Variants in LMBR1 observed in about 807,000 individuals in gnomAD.
LMBR1 encodes limb development membrane protein 1.
A neutral mutation model predicts 73.9 loss-of-function variants in LMBR1; 52 were observed. The observed-to-expected ratio is 0.70, with a 90% confidence interval of 0.56 to 0.89. The LOEUF is 0.89. Among genes scored for constraint, LMBR1 ranks in the 40% least tolerant of loss-of-function variants. LMBR1 has a pLI of 0.00. For synonymous variants in LMBR1, 215 were observed against 209.4 expected, an observed-to-expected ratio of 1.03 and a Z score of -0.23; for missense variants, 539 against 579.8, an observed-to-expected ratio of 0.93 and a Z score of 0.72.
intron 1 of LMBR1, among the ~76,000 whole-genome samples, chr7:156,837,257 C>T (rs1837809600): frequency 3.3e-5 from 5 of 150,358 alleles, no homozygotes; most frequent in African/African-American, 7.3e-5. Flanking sequence ...ATCTCTTCAA[C>T]GCAGGAGGCG....
chr7:156,755,969 G>A (rs1028522177), intron 9 of LMBR1, among the ~76,000 whole-genome samples: 2 of 151,992 alleles, frequency 1.3e-5, no homozygotes, highest in Admixed American at 1.3e-4. Flanking sequence ...TCTTGTTGGC[G>A]GGAGACTGGC....
Position 156,853,971 on chromosome 7 carries a change from A to T in LMBR1, c.67-17086T>A, listed in dbSNP as rs1248695864. Among the ~76,000 whole-genome samples, 10 of 42,734 alleles carry T rather than the reference A, an allele frequency of 2.3e-4. No homozygotes were observed. In the East Asian group the frequency reaches 3.7e-3, roughly 16 times the overall value. The allele number at this position is 42,734 out of a possible 152,430, so 28.0% of individuals were successfully genotyped here. A position where few individuals can be genotyped will look rare whatever the true frequency, so the allele number is the denominator to read the frequency against. On this transcript the variant is annotated intron_variant, in intron 1 of 16. Transcript: ENST00000353442. ...TGCCTGGCCCACATAGAATAAAATT[A>T]AAAAAAAAAAAAAAACCACCTATAT...
chr7:156,796,240 T>C, intron 5 of LMBR1, 149 bp downstream of exon 5: 4 of 585,838 alleles, frequency 6.8e-6, no homozygotes, highest in Non-Finnish European at 1.2e-5. Context: ...GCAGAATTAC[T>C]GTTATTGTTA....
intron 5 of LMBR1, among the ~76,000 whole-genome samples, chr7:156,776,963 C>T (rs888399264): frequency 1.7e-4 from 25 of 149,018 alleles, no homozygotes; most frequent in Non-Finnish European, 3.3e-4. Flanking sequence ...GATGGAATCT[C>T]GCCTGTCGCC....
intron 15 of LMBR1, among the ~76,000 whole-genome samples, chr7:156,716,927 T>A (rs1253236115): frequency 6.6e-6 from 1 of 151,900 alleles, no homozygotes; most frequent in Non-Finnish European, 1.5e-5. Flanking sequence ...AGGAGTTCAA[T>A]TTTCCAAGTG....
chr7:156,819,052 C>G (rs535912114), intron 4 of LMBR1, among the ~76,000 whole-genome samples: 111 of 152,298 alleles, frequency 7.3e-4, no homozygotes, highest in African/African-American at 2.5e-3. Flanking sequence ...ATCATCAGGT[C>G]TCCTAACTCC....
intron 3 of LMBR1, among the ~76,000 whole-genome samples, chr7:156,828,936 C>T (rs1442745252): frequency 6.6e-6 from 1 of 152,166 alleles, no homozygotes; most frequent in Admixed American, 6.5e-5. Flanking sequence ...CAGTACCAGG[C>T]GTTATCAGTA....
chr7:156,843,887 T>A, intron 1 of LMBR1, among the ~76,000 whole-genome samples: 1 of 147,336 alleles, frequency 6.8e-6, no homozygotes, highest in Non-Finnish European at 1.5e-5. Flanking sequence ...GCACAAGTGG[T>A]AGATGAGAAA....
intron 15 of LMBR1, among the ~76,000 whole-genome samples, chr7:156,690,819 A>G (rs770588626): frequency 6.6e-6 from 1 of 152,236 alleles, no homozygotes. Context: ...ACCAACACAC[A>G]GTTCTTCAAT....
intron 15 of LMBR1, among the ~76,000 whole-genome samples, chr7:156,714,813 G>A (rs1425590255): frequency 6.6e-6 from 1 of 152,084 alleles, no homozygotes; most frequent in Admixed American, 6.5e-5. Flanking sequence ...GCACTAAGAA[G>A]GCAAATGCAA....
At chr7:156,701,109 A>G (rs1429994891) in intron 15 of LMBR1, among the ~76,000 whole-genome samples, 1 of 150,358 alleles carries the variant, frequency 6.7e-6, no homozygotes, top group Non-Finnish European at 1.5e-5. Context: ...CCCTCCCACA[A>G]CATGTGGGAA....
intron 8 of LMBR1, among the ~76,000 whole-genome samples, chr7:156,761,097 G>C (rs189223452): frequency 2.0e-5 from 3 of 152,302 alleles, no homozygotes; most frequent in Non-Finnish European, 4.4e-5. Context: ...AGAATGCATA[G>C]AGCCTATTCA....
At chr7:156,878,446 T>C (rs914354486) in intron 1 of LMBR1, among the ~76,000 whole-genome samples, 1 of 152,104 alleles carries the variant, frequency 6.6e-6, no homozygotes, top group Non-Finnish European at 1.5e-5. Context: ...TCAACCCCTT[T>C]TACAACAGCT....
At chr7:156,684,552 G>A (rs907401151) in intron 16 of LMBR1, among the ~76,000 whole-genome samples, 2 of 152,118 alleles carry the variant, frequency 1.3e-5, no homozygotes, top group Admixed American at 6.5e-5. Flanking sequence ...TTCCTCTTCC[G>A]TTGTCCCAAC....
chr7:156,877,866 G>C (rs1800436319), intron 1 of LMBR1, among the ~76,000 whole-genome samples: 1 of 140,736 alleles, frequency 7.1e-6, no homozygotes, highest in Admixed American at 7.4e-5. Flanking sequence ...CTGGGCGACA[G>C]AGCGAGACTC....
chr7:156,747,700 A>T (rs1189186860), intron 9 of LMBR1, among the ~76,000 whole-genome samples: 1 of 152,186 alleles, frequency 6.6e-6, no homozygotes, highest in African/African-American at 2.4e-5. Flanking sequence ...TAACCAAAAA[A>T]AAGTTTGATT....
intron 5 of LMBR1, among the ~76,000 whole-genome samples, chr7:156,784,002 T>TG (rs199953124): frequency 0.04 from 5,657 of 140,702 alleles, 146 homozygotes; most frequent in Non-Finnish European, 0.062. Context: ...TTTTCTGTTT[T>TG]TTTTTTTTTT....
chr7:156,858,927 A>G (rs1373003523), intron 1 of LMBR1, among the ~76,000 whole-genome samples: 1 of 152,140 alleles, frequency 6.6e-6, no homozygotes, highest in Non-Finnish European at 1.5e-5. Flanking sequence ...GAATGTCTAC[A>G]AAAACCCCAC....
chr7:156,833,427 G>C (rs1314913718), intron 3 of LMBR1: 3 of 281,184 alleles, frequency 1.1e-5, no homozygotes, highest in Non-Finnish European at 2.0e-5. Flanking sequence ...CCGCTGCTCG[G>C]TTCAAGAGCA....
Sources: gnomAD v4.1 joint callset for allele counts (sites outside exome capture counted in the v4.1 genomes callset) on GRCh38, gnomAD v4.1.1 for gene constraint, MANE v1.5 for transcripts, NCBI Gene and HGNC (gene_info 2026-07-23, HGNC 2026-07-21) for gene names.